Variants in SLC39A9 observed in about 807,000 individuals in gnomAD.
SLC39A9 encodes the protein solute carrier family 39 member 9.
Under a neutral mutation model 28.4 loss-of-function variants are expected in SLC39A9, and 14 were observed. The ratio of observed to expected loss-of-function variants is 0.49; its 90% CI spans 0.33 to 0.77. SLC39A9 has a LOEUF of 0.77. Among genes scored for constraint, SLC39A9 ranks in the 30% least tolerant of loss-of-function variants. SLC39A9 has a pLI of 0.02. For synonymous variants in SLC39A9, 119 were observed against 149.6 expected (o/e 0.80, Z 1.49); for missense variants, 283 against 381.1 (o/e 0.74, Z 2.14).
Position 69,460,073 on chromosome 14 carries a change from C to A in SLC39A9, c.*1480C>A. ...TCATATTTGCCAAAATTTTTGTAAA[C>A]CCTGTCTTGTCAAATAAGTGTATAA... On this transcript the variant is annotated 3_prime_UTR_variant, in exon 7 of 7. Transcript: ENST00000336643. 3 of 982,668 alleles carry A rather than the reference C, an allele frequency of 3.1e-6. No individual in the cohort carries two copies. Among genetic ancestry groups the A allele is most frequent in the Non-Finnish European group, 2.4e-6 (2 of 827,250 alleles). The allele number at this position is 982,668 out of a possible 1,614,324, so 60.9% of individuals were successfully genotyped here. A position where few individuals can be genotyped will look rare whatever the true frequency, so the allele number is the denominator to read the frequency against.
intron 1 of SLC39A9, among the ~76,000 whole-genome samples, chr14:69,409,283 C>A (rs1883115691): frequency 6.6e-6 from 1 of 152,024 alleles, no homozygotes; most frequent in Non-Finnish European, 1.5e-5. Context: ...CTTTTATAAC[C>A]TGGTAGTATA....
At chr14:69,419,791 T>C (rs1883780941) in intron 1 of SLC39A9, among the ~76,000 whole-genome samples, 1 of 152,216 alleles carries the variant, frequency 6.6e-6, no homozygotes, top group Non-Finnish European at 1.5e-5. Flanking sequence ...TGGTTTAAAG[T>C]CTGTTTTATC....
At chr14:69,441,487 A>G (rs1410160057) in intron 2 of SLC39A9, among the ~76,000 whole-genome samples, 2 of 152,182 alleles carry the variant, frequency 1.3e-5, no homozygotes, top group Non-Finnish European at 2.9e-5. Context: ...CCCAACCTCC[A>G]TATTTCTAGA....
rs540173237 is a variant in SLC39A9 at position 69,432,569 on chromosome 14, C to T, written c.205+8367C>T. ...TTTAGTTTTATTAGGTCCTACTTGT[C>T]GGTTTTTGTTTTTGTTGCAATTGCT... On this transcript the variant is annotated intron_variant, in intron 2 of 6. Coordinates refer to ENST00000336643, the MANE Select transcript of SLC39A9 (RefSeq NM_018375.5). Among the ~76,000 whole-genome samples the T allele has an allele frequency of 3.5e-4, 53 of 152,058 alleles. No individual in the cohort carries two copies. The South Asian group carries it at 4.8e-3, about 14-fold the overall frequency.
intron 2 of SLC39A9, among the ~76,000 whole-genome samples, chr14:69,435,725 T>G (rs1884710118): frequency 6.6e-6 from 1 of 152,036 alleles, no homozygotes; most frequent in Non-Finnish European, 1.5e-5. Flanking sequence ...CAGGCTGGAG[T>G]GCAGTGGTGT....
intron 3 of SLC39A9, among the ~76,000 whole-genome samples, chr14:69,450,193 T>TAA (rs71102655): frequency 7.0e-6 from 1 of 143,368 alleles, no homozygotes; most frequent in Non-Finnish European, 1.5e-5. Context: ...CATCTCAAAA[T>TAA]AAAAAAAAAA....
intron 2 of SLC39A9, among the ~76,000 whole-genome samples, chr14:69,425,374 A>G (rs1179643082): frequency 1.3e-5 from 2 of 152,200 alleles, no homozygotes; most frequent in African/African-American, 4.8e-5. Flanking sequence ...AGAAATCACT[A>G]TCCTAACATT....
At chr14:69,437,427 AGTCCTG>A (rs1197889993) in intron 2 of SLC39A9, among the ~76,000 whole-genome samples, 1 of 152,130 alleles carries the variant, frequency 6.6e-6, no homozygotes, top group Non-Finnish European at 1.5e-5. Context: ...TACTTTTTGT[AGTCCTG>A]AAGTAGTTGT....
At chr14:69,403,696 C>CT (rs1244300063) in intron 1 of SLC39A9, among the ~76,000 whole-genome samples, 3 of 152,166 alleles carry the variant, frequency 2.0e-5, no homozygotes, top group African/African-American at 7.2e-5. Context: ...AGTTGCCATA[C>CT]TTTTCTTATT....
intron 1 of SLC39A9, among the ~76,000 whole-genome samples, chr14:69,401,598 C>T (rs746778747): frequency 2.0e-5 from 3 of 152,184 alleles, no homozygotes; most frequent in South Asian, 2.1e-4. Flanking sequence ...TTGCAATATG[C>T]GGATATATAC....
rs1368235979 is a variant in SLC39A9, at chr14:69,459,802, C to T, written c.*1209C>T. 1.0e-6 allele frequency: 1 copy of T among 985,396 alleles called. No individual in the cohort carries two copies. The highest frequency in any genetic ancestry group is 1.2e-6 in the Non-Finnish European group (1 of 829,926). 61.0% of individuals were successfully genotyped at this position (985,396 alleles called of 1,614,324 possible). On this transcript the variant is annotated 3_prime_UTR_variant, in exon 7 of 7. Transcript: ENST00000336643. ...TCTCCTCGCCACAATTTGCTGCTTA[C>T]TGCTGGTGTTAATATTTGTGTGGGA... is the stretch of plus-strand genomic sequence containing the variant.
chr14:69,427,821 A>C (rs1288613635), intron 2 of SLC39A9, among the ~76,000 whole-genome samples: 1 of 152,256 alleles, frequency 6.6e-6, no homozygotes, highest in Non-Finnish European at 1.5e-5. Flanking sequence ...TTGTTATAAC[A>C]TGTCTGAACA....
intron 2 of SLC39A9, among the ~76,000 whole-genome samples, chr14:69,437,459 G>A (rs962477397): frequency 6.6e-6 from 1 of 152,088 alleles, no homozygotes; most frequent in Non-Finnish European, 1.5e-5. Context: ...GGTGTGTTTT[G>A]TCCAGTTTTT....
At chr14:69,399,905 A>G (rs974978357) in intron 1 of SLC39A9, among the ~76,000 whole-genome samples, 1 of 152,252 alleles carries the variant, frequency 6.6e-6, no homozygotes, top group Admixed American at 6.5e-5. Flanking sequence ...GCTTGGGCCC[A>G]GGAGTTCTAG....
chr14:69,411,993 G>A (rs1292353051), intron 1 of SLC39A9, among the ~76,000 whole-genome samples: 2 of 151,826 alleles, frequency 1.3e-5, no homozygotes, highest in African/African-American at 4.8e-5. Context: ...ATGCTGGCTA[G>A]GATTATCTCG....
intron 1 of SLC39A9, among the ~76,000 whole-genome samples, chr14:69,416,798 T>C (rs1054316727): frequency 7.2e-5 from 11 of 152,210 alleles, no homozygotes; most frequent in Admixed American, 2.0e-4. Context: ...TCATATCCTT[T>C]GCCCACTTTT....
chr14:69,450,363 G>A (rs1265286572), intron 3 of SLC39A9, among the ~76,000 whole-genome samples: 7 of 152,122 alleles, frequency 4.6e-5, no homozygotes, highest in African/African-American at 1.7e-4. Context: ...TTTGAAACAT[G>A]TATGTAAATG....
intron 1 of SLC39A9, among the ~76,000 whole-genome samples, chr14:69,405,567 C>G (rs995973917): frequency 1.3e-5 from 2 of 152,100 alleles, no homozygotes; most frequent in East Asian, 1.9e-4. Flanking sequence ...ACCTGGGCAA[C>G]AAGTGAGACC....
At chr14:69,408,885 T>C (rs1160020834) in intron 1 of SLC39A9, among the ~76,000 whole-genome samples, 3 of 152,238 alleles carry the variant, frequency 2.0e-5, no homozygotes, top group African/African-American at 7.2e-5. Flanking sequence ...AAAACATCTC[T>C]ATGTTCACAT....
Sources: allele counts gnomAD v4.1 joint callset (sites outside exome capture counted in the v4.1 genomes callset), GRCh38; gene constraint gnomAD v4.1.1; transcripts MANE v1.5; gene names NCBI Gene and HGNC (gene_info 2026-07-23, HGNC 2026-07-21).